Variants in PIEZO1 observed in about 807,000 individuals in gnomAD.
The protein encoded by PIEZO1 is piezo type mechanosensitive ion channel component 1 (Er blood group).
Under a neutral mutation model 297.2 loss-of-function variants are expected in PIEZO1, and 296 were observed. That is an observed-to-expected ratio of 1.00 (90% CI 0.91 to 1.10). The LOEUF is 1.10. Among genes scored for constraint, PIEZO1 ranks in the 50% least tolerant of loss-of-function variants. The probability of loss-of-function intolerance (pLI) is 0.00; values close to 1 mark genes in which losing one functional copy is unlikely to be tolerated. For synonymous variants in PIEZO1, 2,427 were observed against 1,507.5 expected, an observed-to-expected ratio of 1.61 and a Z score of -14.13; for missense variants, 5,018 against 3,455.5, an observed-to-expected ratio of 1.45 and a Z score of -11.34.
rs982771023 is a variant in PIEZO1 at position 88,785,141 on chromosome 16, C to A, written c.-177G>T. The A allele has an allele frequency of 9.1e-6, 3 of 329,554 alleles. No homozygotes were observed. Among genetic ancestry groups the A allele is most frequent in the African/African-American group, 2.2e-5 (1 of 45,822 alleles). 20.4% of individuals were successfully genotyped at this position (329,554 alleles called of 1,614,324 possible). A position where few individuals can be genotyped will look rare whatever the true frequency, so the allele number is the denominator to read the frequency against. On this transcript the variant is annotated 5_prime_UTR_variant, in exon 1 of 51. Transcript: ENST00000301015. ...GGTGCCGACGTCCCGGGCCCGCGCT[C>A]GCTCAGGCGACCGCCCTGCCCCTCG... is the stretch of plus-strand genomic sequence containing the variant.
intron 1 of PIEZO1, among the ~76,000 whole-genome samples, chr16:88,753,073 G>T: frequency 1.8e-5 from 2 of 110,148 alleles, no homozygotes; most frequent in African/African-American, 3.1e-5. Context: ...TTAGCCCAAA[G>T]CCCACCCACC....
At chr16:88,742,656 G>A (rs969531538) in intron 2 of PIEZO1, 4 of 520,130 alleles carry the variant, frequency 7.7e-6, no homozygotes, top group African/African-American at 5.8e-5. Context: ...CAGCAGGATG[G>A]GCCTGGGGCC....
Position 88,716,890 on chromosome 16 carries a change from G to C in PIEZO1, c.6669C>G (p.Phe2223Leu). 6.5e-7 allele frequency: 1 copy of C among 1,549,888 alleles called. No homozygotes were observed. The highest frequency in any genetic ancestry group is 8.7e-7 in the Non-Finnish European group (1 of 1,146,940). Residue 2223 changes from phenylalanine (F) to leucine (L), a missense_variant, in exon 46 of 51, where the codon TTC becomes TTG. Phe to Leu is a conservative substitution (Grantham distance 22). Coordinates refer to ENST00000301015, the MANE Select transcript of PIEZO1 (RefSeq NM_001142864.4). ...TGGACGGCTGCTGGGCGCTCATGGT[G>C]AACAGCGGCTGGGGCAGGCACGGGG... ...TLKLGGYEPLFTMSAQQPSII... is the reference protein window; with the variant it reads ...TLKLGGYEPLLTMSAQQPSII...
chr16:88,735,882 G>C (rs1905178266), intron 12 of PIEZO1, among the ~76,000 whole-genome samples: 2 of 152,156 alleles, frequency 1.3e-5, no homozygotes, highest in Admixed American at 1.3e-4. Flanking sequence ...CACAGGGGTG[G>C]TGCCCGTGCC....
At chr16:88,749,011 G>T (rs1475511989) in intron 2 of PIEZO1, among the ~76,000 whole-genome samples, 24 of 151,136 alleles carry the variant, frequency 1.6e-4, no homozygotes, top group African/African-American at 5.4e-4. Flanking sequence ...GCCGAGGCGG[G>T]CGGATCACAA....
chr16:88,743,965 A>AG, intron 2 of PIEZO1: 1 of 279,500 alleles, frequency 3.6e-6, no homozygotes, highest in South Asian at 3.2e-5. Flanking sequence ...AGCCACCACC[A>AG]GGGGGTGCTG....
chr16:88,736,094 A>T, intron 12 of PIEZO1, 54 bp downstream of exon 12: 6 of 1,486,750 alleles, frequency 4.0e-6, no homozygotes, highest in African/African-American at 1.4e-5. Flanking sequence ...CAGGACGACA[A>T]CCCTGATGGG....
Position 88,734,658 on chromosome 16 carries a change from G to C in PIEZO1, c.1989C>G (p.Thr663=). 9.7e-6 allele frequency: 15 copies of C among 1,550,240 alleles called. No homozygotes were observed. Among genetic ancestry groups the C allele is most frequent in the Non-Finnish European group, 1.3e-5 (15 of 1,146,904 alleles). Residue 663 remains threonine (T), a synonymous_variant, in exon 15 of 51, where the codon ACC becomes ACG. Transcript: ENST00000301015. ...PAYWRNLTGF[T]DEQLGDLGLE... Reference sequence around the variant, plus strand: ...CCCCAGCCTGGACTCACTGCTCGTCGGTGAAGCCAGTGAGGTTGCGCCAGT... The same window carrying C: ...CCCCAGCCTGGACTCACTGCTCGTCCGTGAAGCCAGTGAGGTTGCGCCAGT...
rs753984091 is a variant in PIEZO1 at position 88,731,708 on chromosome 16, A to G, written c.3194T>C (p.Ile1065Thr). The change falls in exon 22 of 51, where the codon ATT becomes ACT. Residue 1065 changes from isoleucine (I) to threonine (T), a missense_variant and splice_region_variant. Physicochemically the swap from Ile to Thr is moderately conservative, Grantham distance 89. Transcript: ENST00000301015. ...CACCCAAGCCACGTGCCCCTCACCA[A>G]TGCACAGGGCCGGGGGCATCCCCAG... ...LCLGMPPALC[I>T]DYPWRWSRAV... The G allele has an allele frequency of 5.2e-6, 8 of 1,549,024 alleles. No individual in the cohort carries two copies. In the African/African-American group the frequency reaches 8.2e-5, roughly 16 times the overall value.
chr16:88,725,754 C>A, intron 27 of PIEZO1, 70 bp from the exon 28 acceptor site: 1 of 811,368 alleles, frequency 1.2e-6, no homozygotes, highest in South Asian at 1.5e-5. Context: ...GCCGCCGCTC[C>A]CCGCTCAGCC....
At chr16:88,776,853 G>A (rs954540267) in intron 1 of PIEZO1, among the ~76,000 whole-genome samples, 8 of 152,192 alleles carry the variant, frequency 5.3e-5, no homozygotes, top group African/African-American at 1.9e-4. Flanking sequence ...GCTGCTGTCT[G>A]TCCCAAGAGG....
In PIEZO1 at chr16:88,715,751, C is replaced by G; in HGVS notation, c.7420G>C (p.Val2474Leu). Reference protein sequence around the residue: ...HSIMFEELPCVDRILKLCQDI... With the variant: ...HSIMFEELPCLDRILKLCQDI... The stretch of plus-strand genomic sequence containing the variant: ...TGGCAGAGCTTGAGGATGCGGTCCA[C>G]GCACGGCAGCTCCTCGAACATAATG... The change falls in exon 51 of 51, where the codon GTG becomes CTG. Residue 2474 changes from valine (V) to leucine (L), a missense_variant. Coordinates refer to ENST00000301015, the MANE Select transcript of PIEZO1 (RefSeq NM_001142864.4). 5 of 1,550,444 alleles carry G rather than the reference C, an allele frequency of 3.2e-6. No individual in the cohort carries two copies. Among genetic ancestry groups the G allele is most frequent in the Non-Finnish European group, 3.5e-6 (4 of 1,146,970 alleles).
chr16:88,724,952 C>T (rs929747980), intron 30 of PIEZO1, 57 bp downstream of exon 30: 2 of 1,111,704 alleles, frequency 1.8e-6, no homozygotes, highest in Non-Finnish European at 2.5e-6. Context: ...AGGCAGAGGA[C>T]AGATGGGGGC....
At chr16:88,751,853 C>T (rs1906406218) in intron 1 of PIEZO1, among the ~76,000 whole-genome samples, 1 of 152,170 alleles carries the variant, frequency 6.6e-6, no homozygotes, top group African/African-American at 2.4e-5. Flanking sequence ...AGCCAGGTGG[C>T]AGCCGTCCAT....
chr16:88,726,164 T>C lies in PIEZO1; in HGVS notation c.3968+120A>G, dbSNP rs543792276. The C allele has an allele frequency of 2.6e-4, 204 of 773,310 alleles. 1 individual carries two copies. In the African/African-American group the frequency reaches 3.3e-3, roughly 12 times the overall value. 47.9% of individuals were successfully genotyped at this position (773,310 alleles called of 1,614,324 possible). A position where few individuals can be genotyped will look rare whatever the true frequency, so the allele number is the denominator to read the frequency against. On this transcript the variant is annotated intron_variant, in intron 27 of 50. Transcript: ENST00000301015. ...ATTCTCCCTCTAGATGACACGCCCA[T>C]GTCACAGAGTGGCAGAGCCTGCCCT...
intron 1 of PIEZO1, among the ~76,000 whole-genome samples, chr16:88,768,552 G>T (rs923630320): frequency 5.9e-5 from 9 of 152,236 alleles, no homozygotes; most frequent in African/African-American, 2.2e-4. Context: ...GCGAGCAGCC[G>T]AACTCCCGGG....
chr16:88,762,404 C>T (rs1906973219), intron 1 of PIEZO1, among the ~76,000 whole-genome samples: 1 of 152,226 alleles, frequency 6.6e-6, no homozygotes. Context: ...TCGGCCCTGC[C>T]CACTGGCCCC....
Position 88,741,318 on chromosome 16 carries a change from G to A in PIEZO1, c.465+160C>T, listed in dbSNP as rs1462250870. The stretch of plus-strand genomic sequence containing the variant: ...TCTGAACGGATGGAACTGCAGGCTG[G>A]GCCCCGGGGTGGGATTTGGAACTTC... On this transcript the variant is annotated intron_variant, in intron 5 of 50. Coordinates refer to ENST00000301015, the MANE Select transcript of PIEZO1 (RefSeq NM_001142864.4). 4 of 650,426 alleles carry A rather than the reference G, an allele frequency of 6.1e-6. No individual in the cohort carries two copies. The Admixed American group carries it at 9.0e-5, about 15-fold the overall frequency. The allele number at this position is 650,426 out of a possible 1,614,324, so 40.3% of individuals were successfully genotyped here.
chr16:88,723,409 C>G, intron 31 of PIEZO1, 81 bp from the exon 32 acceptor site: 2 of 1,478,996 alleles, frequency 1.4e-6, no homozygotes, highest in Non-Finnish European at 1.8e-6. Flanking sequence ...GCAAGCCGGG[C>G]GCCAGATCCA....
Sources: gnomAD v4.1 joint callset for allele counts (sites outside exome capture counted in the v4.1 genomes callset) on GRCh38, gnomAD v4.1.1 for gene constraint, MANE v1.5 for transcripts, NCBI Gene and HGNC (gene_info 2026-07-23, HGNC 2026-07-21) for gene names.